Variants in KCNQ1 observed in about 807,000 individuals in gnomAD.
KCNQ1 encodes potassium voltage-gated channel subfamily Q member 1.
In KCNQ1, 49 loss-of-function variants were observed where a neutral mutation model predicts 72.4. The observed-to-expected ratio is 0.68, with a 90% CI of 0.54 to 0.86. The LOEUF is 0.86. Among genes scored for constraint, KCNQ1 ranks in the 40% least tolerant of loss-of-function variants. KCNQ1 has a pLI of 0.00. For synonymous variants in KCNQ1, 450 were observed against 412.6 expected (o/e 1.09, Z -1.10); for missense variants, 790 against 945.1 (o/e 0.84, Z 2.15).
At position 2,457,629 on chromosome 11, in the gene KCNQ1, G is replaced by A. The variant is rs1846216140; in HGVS notation, c.386+12145G>A. On this transcript the variant is annotated intron_variant, in intron 1 of 15. Transcript: ENST00000155840. The surrounding 1 kb of genome is among the most constrained non-coding windows in gnomAD (Gnocchi z 5.0). ...AAGAGACACTGGGGAATACAAGAGT[G>A]GGGAGGGGGGAAGGGGAGCAAGGTT... 6.6e-6 allele frequency among the ~76,000 whole-genome samples: 1 copy of A among 151,986 alleles called. No homozygotes were observed. The highest frequency in any genetic ancestry group is 2.4e-5 in the African/African-American group (1 of 41,308).
chr11:2,578,181 C>T (rs986200290), intron 6 of KCNQ1, among the ~76,000 whole-genome samples: 3 of 152,214 alleles, frequency 2.0e-5, no homozygotes, highest in African/African-American at 2.4e-5. Context: ...GCAGGCAGCC[C>T]GTGAGAAGTG....
chr11:2,829,899 G>T (rs1847906454), intron 15 of KCNQ1, among the ~76,000 whole-genome samples: 1 of 148,968 alleles, frequency 6.7e-6, no homozygotes, highest in East Asian at 2.0e-4. Flanking sequence ...AGGAAGTGAT[G>T]GTGCCAGAGA....
At chr11:2,834,560 G>A (rs865860690) in intron 15 of KCNQ1, among the ~76,000 whole-genome samples, 24 of 152,192 alleles carry the variant, frequency 1.6e-4, no homozygotes, top group African/African-American at 5.8e-4. Flanking sequence ...CCAGAGCTGG[G>A]CCCACCTGTG....
intron 15 of KCNQ1, among the ~76,000 whole-genome samples, chr11:2,847,286 TCTC>T (rs1344690445): frequency 1.2e-4 from 18 of 152,246 alleles, no homozygotes; most frequent in Non-Finnish European, 1.2e-4. Flanking sequence ...TCTGTCCAGT[TCTC>T]CTCCAGACAC....
Position 2,799,836 on chromosome 11 carries a change from G to A in KCNQ1, c.1794+21799G>A, listed in dbSNP as rs569409410. ...GTGGAAATGAGTCGGCAGGCTGCAT[G>A]GGGGGTTCCAGTCACAGCACAGAGG... On this transcript the variant is annotated intron_variant, in intron 15 of 15. Coordinates refer to ENST00000155840, the MANE Select transcript of KCNQ1 (RefSeq NM_000218.3). 3.9e-5 allele frequency among the ~76,000 whole-genome samples: 6 copies of A among 152,298 alleles called. No homozygotes were observed. The South Asian group carries it at 8.3e-4, about 21-fold the overall frequency.
intron 1 of KCNQ1, among the ~76,000 whole-genome samples, chr11:2,510,195 C>T (rs1432913665): frequency 6.6e-6 from 1 of 152,062 alleles, no homozygotes; most frequent in East Asian, 1.9e-4. Flanking sequence ...AGGAGCATCA[C>T]TTGAGCCCAG....
intron 11 of KCNQ1, among the ~76,000 whole-genome samples, chr11:2,753,840 C>T (rs962922071): frequency 3.9e-5 from 6 of 152,204 alleles, no homozygotes; most frequent in African/African-American, 1.2e-4. Flanking sequence ...CTATCTGAGG[C>T]TCACTCCATT....
At chr11:2,812,148 C>T (rs770037723) in intron 15 of KCNQ1, among the ~76,000 whole-genome samples, 1 of 152,212 alleles carries the variant, frequency 6.6e-6, no homozygotes, top group Non-Finnish European at 1.5e-5. Flanking sequence ...CCATGCACTC[C>T]CAGACGGCTG....
At chr11:2,551,065 C>T (rs1364849366) in intron 2 of KCNQ1, among the ~76,000 whole-genome samples, 1 of 152,122 alleles carries the variant, frequency 6.6e-6, no homozygotes, top group Non-Finnish European at 1.5e-5. Context: ...CTGACTCATG[C>T]ATTTCTTAGG....
intron 2 of KCNQ1, among the ~76,000 whole-genome samples, chr11:2,551,802 T>A (rs959825338): frequency 6.6e-6 from 1 of 152,264 alleles, no homozygotes; most frequent in Admixed American, 6.5e-5. Context: ...TCCTAAAGGC[T>A]GGAGCCATAT....
At chr11:2,572,179 C>T in intron 5 of KCNQ1, 70 bp downstream of exon 5, 5 of 1,208,208 alleles carry the variant, frequency 4.1e-6, no homozygotes, top group Non-Finnish European at 6.0e-6. Context: ...GCAGCCCACA[C>T]TAGGACAGCT....
At position 2,826,140 on chromosome 11, in the gene KCNQ1, T is replaced by C. The variant is rs1847834924; in HGVS notation, c.1795-21627T>C. Among the ~76,000 whole-genome samples the C allele has an allele frequency of 6.6e-6, 1 of 152,230 alleles. No individual in the cohort carries two copies. The highest frequency in any genetic ancestry group is 1.5e-5 in the Non-Finnish European group (1 of 68,034). The stretch of plus-strand genomic sequence containing the variant: ...CTCATGCCAATGTCTTGAGTAATTA[T>C]TGGGGGGCGGGGGCTGTCCAGCCCG... On this transcript the variant is annotated intron_variant, in intron 15 of 15. Transcript: ENST00000155840. This position sits in a 1 kb window ranked among gnomAD's most constrained non-coding sequence, Gnocchi z 4.2.
At chr11:2,616,131 T>C in intron 10 of KCNQ1, 1 of 398,118 alleles carries the variant, frequency 2.5e-6, no homozygotes, top group Non-Finnish European at 4.4e-6. Flanking sequence ...AATTTGTTGG[T>C]ATACAGTTAT....
At chr11:2,518,544 G>A (rs964968567) in intron 1 of KCNQ1, among the ~76,000 whole-genome samples, 1 of 152,218 alleles carries the variant, frequency 6.6e-6, no homozygotes, top group African/African-American at 2.4e-5. Context: ...TCCCAGTCCA[G>A]ATCTGTGTTG....
chr11:2,845,997 G>A (rs1244391836), intron 15 of KCNQ1, among the ~76,000 whole-genome samples: 1 of 152,170 alleles, frequency 6.6e-6, no homozygotes, highest in African/African-American at 2.4e-5. Context: ...CAAACTGGTT[G>A]CTCCCTCTCT....
In KCNQ1 at chr11:2,642,558, T is replaced by C. The variant is rs1849596257; in HGVS notation, c.1394-19403T>C. The stretch of plus-strand genomic sequence containing the variant: ...TTTGATTTTATTCATGTAGGTCTTC[T>C]CTCTTTTCTTCTTGGATAGTTTAGC... On this transcript the variant is annotated intron_variant, in intron 10 of 15. Transcript: ENST00000155840. The surrounding 1 kb of genome is among the most constrained non-coding windows in gnomAD (Gnocchi z 4.3). The C allele has an allele frequency of 1.0e-5, 4 of 397,856 alleles. No homozygotes were observed. Among genetic ancestry groups the C allele is most frequent in the African/African-American group, 8.2e-5 (4 of 48,620 alleles). 24.6% of individuals were successfully genotyped at this position (397,856 alleles called of 1,614,324 possible).
In KCNQ1 at chr11:2,676,083, G is replaced by A. The variant is rs987695329; in HGVS notation, c.1514+14002G>A. On this transcript the variant is annotated intron_variant, in intron 11 of 15. Coordinates refer to ENST00000155840, the MANE Select transcript of KCNQ1 (RefSeq NM_000218.3). This position sits in a 1 kb window ranked among gnomAD's most constrained non-coding sequence, Gnocchi z 4.2. ...ACGTATTTTATATAAACAAATATACGTGTGTCTGTGTGTGCATGTACTTAG... is the reference window on the plus strand; with the variant it reads ...ACGTATTTTATATAAACAAATATACATGTGTCTGTGTGTGCATGTACTTAG... The A allele has an allele frequency of 2.0e-5, 8 of 398,406 alleles. No individual in the cohort carries two copies. The highest frequency in any genetic ancestry group is 8.2e-5 in the African/African-American group (4 of 48,590). 24.7% of individuals were successfully genotyped at this position (398,406 alleles called of 1,614,324 possible).
At chr11:2,618,336 T>A in intron 10 of KCNQ1, 1 of 398,592 alleles carries the variant, frequency 2.5e-6, no homozygotes, top group Non-Finnish European at 4.4e-6. Flanking sequence ...TTCAATGTTT[T>A]AACAAAGTTT....
chr11:2,589,595 C>T (rs760985788), intron 10 of KCNQ1, among the ~76,000 whole-genome samples: 13 of 152,108 alleles, frequency 8.5e-5, no homozygotes, highest in Non-Finnish European at 1.8e-4. Context: ...ACAGCAGTGC[C>T]CGGTTGTGGC....
Sources: allele counts gnomAD v4.1 joint callset (sites outside exome capture counted in the v4.1 genomes callset), GRCh38; gene constraint gnomAD v4.1.1; non-coding constraint Gnocchi (gnomAD v3.1); transcripts MANE v1.5; gene names NCBI Gene and HGNC (gene_info 2026-07-23, HGNC 2026-07-21).